COL22A1: variants seen among roughly 807,000 people sequenced by gnomAD.
COL22A1 encodes collagen type XXII alpha 1 chain.
A neutral mutation model predicts 248.9 loss-of-function variants in COL22A1; 221 were observed. That is an observed-to-expected ratio of 0.89 (90% CI 0.80 to 0.99). The LOEUF (loss-of-function observed/expected upper bound fraction) is 0.99. Among genes scored for constraint, COL22A1 ranks in the 50% least tolerant of loss-of-function variants. The pLI is 0.00. For synonymous variants in COL22A1, 891 were observed against 793.4 expected, an observed-to-expected ratio of 1.12 and a Z score of -2.07; for missense variants, 2,240 against 2,179.0, an observed-to-expected ratio of 1.03 and a Z score of -0.56.
chr8:138,862,026 T>TAAAAAAAAAAAAAA (rs386414193), intron 3 of COL22A1, among the ~76,000 whole-genome samples: 2 of 93,272 alleles, frequency 2.1e-5, no homozygotes, highest in Non-Finnish European at 3.9e-5. Flanking sequence ...CTGTCTCTAC[T>TAAAAAAAAAAAAAA]AAAAAAAAAA....
chr8:138,783,248 A>C (rs985563976), intron 12 of COL22A1, among the ~76,000 whole-genome samples: 1 of 152,262 alleles, frequency 6.6e-6, no homozygotes, highest in East Asian at 1.9e-4. Flanking sequence ...TAAAATGGGG[A>C]CAATCACGGT....
intron 50 of COL22A1, among the ~76,000 whole-genome samples, chr8:138,629,512 T>TAACCAGATGAGGATCCTA (rs535093618): frequency 6.6e-6 from 1 of 152,150 alleles, no homozygotes; most frequent in Non-Finnish European, 1.5e-5. Context: ...TCAAAAGGAT[T>TAACCAGATGAGGATCCTA]AACCAGATGA....
chr8:138,695,387 TC>T (rs1317896724), intron 32 of COL22A1, among the ~76,000 whole-genome samples: 1 of 151,906 alleles, frequency 6.6e-6, no homozygotes, highest in African/African-American at 2.4e-5. Context: ...AGAGATGGGG[TC>T]TCATTATACT....
intron 21 of COL22A1, among the ~76,000 whole-genome samples, chr8:138,753,625 A>G (rs997849813): frequency 6.6e-6 from 1 of 152,148 alleles, no homozygotes; most frequent in Non-Finnish European, 1.5e-5. Context: ...GCTTGCAGTT[A>G]TTTCTTTTTT....
intron 26 of COL22A1, among the ~76,000 whole-genome samples, chr8:138,721,714 C>T (rs1829881932): frequency 6.6e-6 from 1 of 152,218 alleles, no homozygotes; most frequent in African/African-American, 2.4e-5. Flanking sequence ...CCACCTTGGC[C>T]TCCCAAGTGA....
At chr8:138,678,906 A>C (rs954596916) in intron 40 of COL22A1, among the ~76,000 whole-genome samples, 5 of 152,156 alleles carry the variant, frequency 3.3e-5, no homozygotes, top group Admixed American at 1.3e-4. Context: ...TTGCATTATT[A>C]TCACTTATTT....
chr8:138,881,177 G>C (rs1824173523), intron 2 of COL22A1, among the ~76,000 whole-genome samples: 1 of 152,012 alleles, frequency 6.6e-6, no homozygotes. Flanking sequence ...TGATAATCCT[G>C]TGCATTGGCT....
rs142444434 is a variant in COL22A1, at chr8:138,762,116, G to A, written c.1857+297C>T. On this transcript the variant is annotated intron_variant, in intron 17 of 64. Transcript: ENST00000303045. ...CTCTGGGGACAAGACGGCAATGAGC[G>A]CTGCTTACACACATCACCTTGAAAA... Among the ~76,000 whole-genome samples the A allele has an allele frequency of 1.4e-4, 22 of 152,286 alleles. 1 individual carries two copies. Among genetic ancestry groups the A allele is most frequent in the Admixed American group, 1.2e-3 (18 of 15,304 alleles).
intron 44 of COL22A1, among the ~76,000 whole-genome samples, chr8:138,657,189 C>T (rs546536650): frequency 1.8e-4 from 27 of 152,204 alleles, no homozygotes; most frequent in Non-Finnish European, 3.5e-4. Flanking sequence ...TAGGATGCAG[C>T]GGCTAAAGCC....
chr8:138,883,526 C>T (rs1274122698), intron 1 of COL22A1, among the ~76,000 whole-genome samples: 1 of 152,206 alleles, frequency 6.6e-6, no homozygotes, highest in African/African-American at 2.4e-5. Flanking sequence ...CACACCACAT[C>T]CCGCCTGGTA....
chr8:138,837,712 G>A (rs965645375), intron 4 of COL22A1, among the ~76,000 whole-genome samples: 2 of 152,186 alleles, frequency 1.3e-5, no homozygotes, highest in African/African-American at 2.4e-5. Flanking sequence ...GCCTCTGAAT[G>A]GGGGAGCTTG....
intron 11 of COL22A1, among the ~76,000 whole-genome samples, chr8:138,800,687 T>C (rs988886250): frequency 6.6e-6 from 1 of 152,190 alleles, no homozygotes; most frequent in Non-Finnish European, 1.5e-5. Context: ...AATTATGCGA[T>C]GGACCGCTTC....
At chr8:138,822,250 A>C (rs1819203604) in intron 6 of COL22A1, among the ~76,000 whole-genome samples, 2 of 152,146 alleles carry the variant, frequency 1.3e-5, no homozygotes. Context: ...AGGTTTCACC[A>C]TTTTGGCCAG....
intron 39 of COL22A1, among the ~76,000 whole-genome samples, chr8:138,682,929 G>T (rs1422701162): frequency 6.6e-6 from 1 of 152,112 alleles, no homozygotes; most frequent in African/African-American, 2.4e-5. Context: ...TTGAACTCCT[G>T]GCCTCATGAT....
chr8:138,596,375 G>T (rs931960458), intron 62 of COL22A1, among the ~76,000 whole-genome samples: 1 of 152,256 alleles, frequency 6.6e-6, no homozygotes, highest in Admixed American at 6.5e-5. Context: ...CTTTCAACTT[G>T]TAGCTCACAT....
chr8:138,773,353 G>T (rs1428263632), intron 16 of COL22A1, among the ~76,000 whole-genome samples: 1 of 152,180 alleles, frequency 6.6e-6, no homozygotes, highest in East Asian at 1.9e-4. Context: ...GATGACCAAG[G>T]CACTAGGAGT....
At chr8:138,697,188 T>C (rs1427578937) in intron 32 of COL22A1, among the ~76,000 whole-genome samples, 1 of 152,098 alleles carries the variant, frequency 6.6e-6, no homozygotes, top group Non-Finnish European at 1.5e-5. Flanking sequence ...GCTCTGTCAG[T>C]AGCTGTTGAA....
At chr8:138,694,302 G>A (rs1827321741) in intron 34 of COL22A1, among the ~76,000 whole-genome samples, 1 of 152,170 alleles carries the variant, frequency 6.6e-6, no homozygotes, top group Non-Finnish European at 1.5e-5. Context: ...GACATCCAGG[G>A]GTACAGAGGT....
intron 10 of COL22A1, among the ~76,000 whole-genome samples, chr8:138,806,106 T>TGGTGCGTGTGTGATGGCG (rs1563788549): frequency 3.3e-3 from 34 of 10,220 alleles, no homozygotes; most frequent in Admixed American, 4.4e-3. Flanking sequence ...GATGGTGTGT[T>TGGTGCGTGTGTGATGGCG]TGTGTGTGAT....
Sources: allele counts gnomAD v4.1 joint callset (sites outside exome capture counted in the v4.1 genomes callset), GRCh38; gene constraint gnomAD v4.1.1; transcripts MANE v1.5; gene names NCBI Gene and HGNC (gene_info 2026-07-23, HGNC 2026-07-21).